THADA: variants seen among roughly 807,000 people sequenced by gnomAD.
The protein encoded by THADA is tRNA (32-2'-O)-methyltransferase regulator THADA.
Under a neutral mutation model 219.8 loss-of-function variants are expected in THADA, and 213 were observed. The ratio of observed to expected loss-of-function variants is 0.97; its 90% CI spans 0.87 to 1.09. THADA has a LOEUF of 1.09. Among genes scored for constraint, THADA ranks in the 50% least tolerant of loss-of-function variants. The pLI is 0.00. For missense variants in THADA, 2,956 were observed against 2,311.3 expected (o/e 1.28, Z -5.72); for synonymous variants, 1,018 against 828.9 (o/e 1.23, Z -3.92).
At chr2:43,583,470 A>T (rs56662133) in intron 7 of THADA, among the ~76,000 whole-genome samples, 1 of 152,230 alleles carries the variant, frequency 6.6e-6, no homozygotes, top group Admixed American at 6.5e-5. Context: ...CAAAACACAG[A>T]ATAATCCTAT....
intron 3 of THADA, 91 bp from the exon 4 acceptor site, chr2:43,591,045 G>T (rs1701508949): frequency 8.0e-7 from 1 of 1,250,570 alleles, no homozygotes; most frequent in Non-Finnish European, 1.1e-6. Context: ...CAATTGCTGG[G>T]TACAGTGGCT....
intron 7 of THADA, among the ~76,000 whole-genome samples, chr2:43,582,197 A>T (rs1700530459): frequency 6.6e-6 from 1 of 152,182 alleles, no homozygotes; most frequent in Non-Finnish European, 1.5e-5. Context: ...AGAAATCAAG[A>T]ATGAATGACA....
At chr2:43,288,523 TAGATGAAGAGAC>T (rs921395839) in intron 34 of THADA, among the ~76,000 whole-genome samples, 7 of 152,242 alleles carry the variant, frequency 4.6e-5, no homozygotes, top group African/African-American at 1.7e-4. Context: ...GATGAGAATC[TAGATGAAGAGAC>T]AGATGAAAAG....
chr2:43,240,051 A>G (rs1368950145), intron 36 of THADA, among the ~76,000 whole-genome samples: 7 of 152,250 alleles, frequency 4.6e-5, no homozygotes, highest in African/African-American at 7.2e-5. Flanking sequence ...GGTGTGTGAC[A>G]CAGACAAATT....
chr2:43,342,329 T>A (rs1454881225), intron 30 of THADA, among the ~76,000 whole-genome samples: 3 of 152,224 alleles, frequency 2.0e-5, no homozygotes, highest in Middle Eastern at 3.2e-3. Context: ...GCTATTAATG[T>A]TGAGACAATA....
chr2:43,437,374 G>A (rs753874207), intron 26 of THADA, among the ~76,000 whole-genome samples: 5 of 152,178 alleles, frequency 3.3e-5, no homozygotes, highest in African/African-American at 4.8e-5. Context: ...AGCCTTTTGA[G>A]TTTCTACCAT....
chr2:43,353,257 G>A (rs1668485825), intron 29 of THADA, among the ~76,000 whole-genome samples: 1 of 152,134 alleles, frequency 6.6e-6, no homozygotes, highest in Admixed American at 6.5e-5. Flanking sequence ...TCTTCACACT[G>A]TTTTCCATCA....
At position 43,541,139 on chromosome 2, in the gene THADA, G is replaced by A. The variant is rs1695244007; in HGVS notation, c.3264+20C>T. The stretch of plus-strand genomic sequence containing the variant: ...GCGTTGACCAGAAATTATACATGGT[G>A]GAATAAACATGTGCCTTACCTGCTC... On this transcript the variant is annotated intron_variant, in intron 21 of 37. Coordinates refer to ENST00000405975, the MANE Select transcript of THADA (RefSeq NM_022065.5). The A allele has an allele frequency of 1.3e-6, 2 of 1,506,030 alleles. No individual in the cohort carries two copies. The highest frequency in any genetic ancestry group is 2.5e-5 in the East Asian group (1 of 40,388). 93.3% of individuals were successfully genotyped at this position (1,506,030 alleles called of 1,614,324 possible).
At chr2:43,467,904 A>G (rs769983741) in intron 26 of THADA, among the ~76,000 whole-genome samples, 1 of 152,238 alleles carries the variant, frequency 6.6e-6, no homozygotes, top group African/African-American at 2.4e-5. Context: ...ATAAATCTCA[A>G]TAAGCCTCCA....
At chr2:43,404,766 G>C (rs1475852676) in intron 28 of THADA, among the ~76,000 whole-genome samples, 1 of 152,034 alleles carries the variant, frequency 6.6e-6, no homozygotes, top group Non-Finnish European at 1.5e-5. Flanking sequence ...GCAGACCTAA[G>C]TTTACATCTG....
chr2:43,509,991 C>G (rs143929542), intron 22 of THADA, among the ~76,000 whole-genome samples: 1 of 152,110 alleles, frequency 6.6e-6, no homozygotes, highest in Non-Finnish European at 1.5e-5. Context: ...AAAAAAGATT[C>G]AGAGACATAA....
At chr2:43,334,638 G>A (rs575483768) in intron 30 of THADA, among the ~76,000 whole-genome samples, 9 of 152,162 alleles carry the variant, frequency 5.9e-5, no homozygotes, top group Admixed American at 1.3e-4. Context: ...AGCCAGGCGT[G>A]GTGGCGGGCG....
chr2:43,523,219 G>A (rs190220825), intron 22 of THADA, among the ~76,000 whole-genome samples: 2 of 152,118 alleles, frequency 1.3e-5, no homozygotes, highest in African/African-American at 4.8e-5. Context: ...ACAAAAATTA[G>A]CTGGGCATGG....
intron 22 of THADA, among the ~76,000 whole-genome samples, chr2:43,519,207 G>A (rs1475610548): frequency 6.6e-6 from 1 of 151,870 alleles, no homozygotes; most frequent in Non-Finnish European, 1.5e-5. Flanking sequence ...CTAAAAACAA[G>A]GCCCATGTTT....
chr2:43,522,809 C>T (rs1558906363), intron 22 of THADA, among the ~76,000 whole-genome samples: 1 of 151,936 alleles, frequency 6.6e-6, no homozygotes, highest in Non-Finnish European at 1.5e-5. Flanking sequence ...TCTTTTAATC[C>T]ACAATAGAAA....
At chr2:43,493,956 T>C (rs891391521) in intron 25 of THADA, among the ~76,000 whole-genome samples, 1 of 152,172 alleles carries the variant, frequency 6.6e-6, no homozygotes, top group Non-Finnish European at 1.5e-5. Context: ...TCCCCTGCTA[T>C]AAATTTCTTT....
intron 29 of THADA, among the ~76,000 whole-genome samples, chr2:43,366,975 T>C (rs1464823967): frequency 6.6e-6 from 1 of 152,098 alleles, no homozygotes; most frequent in Non-Finnish European, 1.5e-5. Flanking sequence ...AAACAAAATA[T>C]GGTATATCAT....
At chr2:43,460,975 G>T (rs1213893175) in intron 26 of THADA, among the ~76,000 whole-genome samples, 2 of 152,222 alleles carry the variant, frequency 1.3e-5, no homozygotes, top group African/African-American at 4.8e-5. Flanking sequence ...GAGGAGAAAA[G>T]TCAGTGGAGA....
intron 29 of THADA, among the ~76,000 whole-genome samples, chr2:43,361,258 G>C (rs1234493357): frequency 6.6e-6 from 1 of 152,144 alleles, no homozygotes; most frequent in African/African-American, 2.4e-5. Context: ...TAATCTCTTT[G>C]AGTCCTAAGT....
Sources: allele counts gnomAD v4.1 joint callset (sites outside exome capture counted in the v4.1 genomes callset), GRCh38; gene constraint gnomAD v4.1.1; transcripts MANE v1.5; gene names NCBI Gene and HGNC (gene_info 2026-07-23, HGNC 2026-07-21).